PDZD9: variants seen among roughly 807,000 people sequenced by gnomAD.
The protein encoded by PDZD9 is PDZ domain containing 9, also known as PDZ domain-containing protein 9.
In PDZD9, 13 loss-of-function variants were observed where a neutral mutation model predicts 16.3. That is an observed-to-expected ratio of 0.80 (90% CI 0.52 to 1.27). PDZD9 has a LOEUF of 1.27. PDZD9 is among the 50% of genes most tolerant of loss of function. The pLI, the probability that PDZD9 is intolerant of heterozygous loss-of-function variation, is 0.00. For synonymous variants in PDZD9, 120 were observed against 111.0 expected (o/e 1.08, Z -0.51); for missense variants, 288 against 310.9 (o/e 0.93, Z 0.55).
At chr16:21,978,866 T>C (rs1898648659), downstream of PDZD9, among the ~76,000 whole-genome samples, 1 of 152,126 alleles carries the variant, frequency 6.6e-6, no homozygotes, top group Non-Finnish European at 1.5e-5. Context: ...TACTTCACCC[T>C]TGGTGAAAAC....
downstream of PDZD9, among the ~76,000 whole-genome samples, chr16:21,981,198 C>G (rs1468899288): frequency 6.6e-6 from 1 of 152,162 alleles, no homozygotes; most frequent in African/African-American, 2.4e-5. Context: ...CTAGGACATT[C>G]TCTTGTTCTT....
At chr16:21,987,826 G>C (rs1379124947) in intron 3 of PDZD9, among the ~76,000 whole-genome samples, 1 of 152,050 alleles carries the variant, frequency 6.6e-6, no homozygotes, top group Non-Finnish European at 1.5e-5. Flanking sequence ...ACAGCTTTTA[G>C]CAAGTTGGGA....
the PDZD9 span, chr16:21,968,382 T>C: frequency 3.0e-6 from 1 of 329,900 alleles, no homozygotes; most frequent in East Asian, 5.2e-5. Flanking sequence ...GTGTACACAA[T>C]TCAGTGGTTT....
At chr16:21,991,112 CTG>C (rs1026091154) in intron 2 of PDZD9, among the ~76,000 whole-genome samples, 18 of 152,308 alleles carry the variant, frequency 1.2e-4, no homozygotes, top group South Asian at 8.3e-4. Context: ...AGGACCATGT[CTG>C]TGCCGTTCAC....
At chr16:21,973,148 T>C in the PDZD9 span, among the ~76,000 whole-genome samples, 5 of 152,172 alleles carry the variant, frequency 3.3e-5, no homozygotes, top group Non-Finnish European at 5.9e-5. Flanking sequence ...TGCCTTCTTA[T>C]GCTTTACGTG....
chr16:21,980,787 CAGTGTATTATTCTT>C (rs1898705351), downstream of PDZD9: 1 of 1,489,848 alleles, frequency 6.7e-7, no homozygotes, highest in African/African-American at 1.4e-5. Context: ...CGTCCTTGGG[CAGTGTATTATTCTT>C]ATGTTTGGTG....
intron 3 of PDZD9, among the ~76,000 whole-genome samples, chr16:21,988,190 A>G (rs921373595): frequency 2.0e-5 from 3 of 151,882 alleles, no homozygotes; most frequent in East Asian, 1.9e-4. Flanking sequence ...GTAATTTACT[A>G]GTAGAGACGG....
At chr16:21,962,356 A>G in the PDZD9 span, 3 of 1,382,020 alleles carry the variant, frequency 2.2e-6, no homozygotes, top group Non-Finnish European at 3.0e-6. Flanking sequence ...CACCTTTTAT[A>G]CTTCAGAAAT....
the PDZD9 span, among the ~76,000 whole-genome samples, chr16:21,961,626 T>G: frequency 1.6e-5 from 1 of 64,476 alleles, no homozygotes; most frequent in African/African-American, 3.5e-5. Flanking sequence ...AACATAAAAT[T>G]TATATATATA....
At chr16:21,967,896 A>G in the PDZD9 span, among the ~76,000 whole-genome samples, 7 of 152,300 alleles carry the variant, frequency 4.6e-5, no homozygotes, top group African/African-American at 7.2e-5. Flanking sequence ...CTACTTATAT[A>G]AACACAAAAG....
chr16:21,987,676 T>G (rs763215598), intron 3 of PDZD9, among the ~76,000 whole-genome samples: 4 of 151,992 alleles, frequency 2.6e-5, no homozygotes, highest in African/African-American at 4.8e-5. Context: ...GACAGAAGAA[T>G]CTAGTGGGAT....
At chr16:21,963,588 T>C in the PDZD9 span, among the ~76,000 whole-genome samples, 1 of 151,948 alleles carries the variant, frequency 6.6e-6, no homozygotes, top group African/African-American at 2.4e-5. Flanking sequence ...CTCAGCCTCC[T>C]GAGTAGCTGG....
At chr16:21,959,421 C>A in the PDZD9 span, 1 of 208,192 alleles carries the variant, frequency 4.8e-6, no homozygotes. Flanking sequence ...ATCTCCTCAT[C>A]TGTTCAAGCT....
intron 2 of PDZD9, among the ~76,000 whole-genome samples, chr16:21,994,945 C>T (rs1899109553): frequency 6.6e-6 from 1 of 152,184 alleles, no homozygotes; most frequent in East Asian, 1.9e-4. Context: ...ATCCTCCCAC[C>T]TCAGCCTCCT....
downstream of PDZD9, chr16:21,980,424 G>A (rs193124048): frequency 2.6e-3 from 2,538 of 988,162 alleles, 16 homozygotes; most frequent in South Asian, 0.011. Flanking sequence ...TCAGGAAGAG[G>A]GAGACACGCT....
chr16:21,990,745 T>C (rs1297053724), intron 2 of PDZD9, among the ~76,000 whole-genome samples: 1 of 152,252 alleles, frequency 6.6e-6, no homozygotes, highest in Admixed American at 6.5e-5. Flanking sequence ...TGGCTTGGCA[T>C]TCTGCTTAAT....
intron 1 of PDZD9, among the ~76,000 whole-genome samples, chr16:21,997,554 G>A (rs573923478): frequency 9.9e-5 from 15 of 152,276 alleles, no homozygotes; most frequent in Non-Finnish European, 1.5e-4. Flanking sequence ...AAAATGACAG[G>A]GTCCTGGCAC....
chr16:21,969,970 G>A, the PDZD9 span, among the ~76,000 whole-genome samples: 5 of 151,906 alleles, frequency 3.3e-5, no homozygotes, highest in African/African-American at 7.2e-5. Context: ...CTAGGCTCAG[G>A]TGATCCTCCC....
At chr16:21,971,809 C>G in the PDZD9 span, 1 of 1,470,582 alleles carries the variant, frequency 6.8e-7, no homozygotes, top group Non-Finnish European at 9.3e-7. Context: ...GGGGAAAGCA[C>G]CGAGCTGCAG....
Sources: allele counts gnomAD v4.1 joint callset (sites outside exome capture counted in the v4.1 genomes callset), GRCh38; gene constraint gnomAD v4.1.1; transcripts MANE v1.5; gene names NCBI Gene and HGNC (gene_info 2026-07-23, HGNC 2026-07-21).